Variants in TTC27 observed in about 807,000 individuals in gnomAD.
The protein encoded by TTC27 is tetratricopeptide repeat domain 27.
Under a neutral mutation model 115.9 loss-of-function variants are expected in TTC27, and 79 were observed. The observed-to-expected ratio is 0.68, with a 90% CI of 0.57 to 0.82. The LOEUF (loss-of-function observed/expected upper bound fraction) is 0.82, where lower values mean the gene tolerates loss of function less well. Among genes scored for constraint, TTC27 ranks in the 40% least tolerant of loss-of-function variants. The pLI is 0.00. For missense variants in TTC27, 1,054 were observed against 993.1 expected, an observed-to-expected ratio of 1.06 and a Z score of -0.82; for synonymous variants, 401 against 356.0, an observed-to-expected ratio of 1.13 and a Z score of -1.42.
chr2:32,804,871 T>C (rs1207372613), intron 16 of TTC27, among the ~76,000 whole-genome samples: 1 of 152,138 alleles, frequency 6.6e-6, no homozygotes, highest in Non-Finnish European at 1.5e-5. Context: ...TTTTTAAATT[T>C]TGTATTAGCT....
At chr2:32,758,542 G>T (rs1424176223) in intron 13 of TTC27, 23 bp downstream of exon 13, 1 of 1,600,864 alleles carries the variant, frequency 6.2e-7, no homozygotes, top group African/African-American at 1.3e-5. Flanking sequence ...ATAACCCCCT[G>T]CTGCTCTCAG....
chr2:32,820,328 G>A lies in TTC27; in HGVS notation c.2410-488G>A, dbSNP rs1016271773. On this transcript the variant is annotated intron_variant, in intron 19 of 19. Coordinates refer to ENST00000317907, the MANE Select transcript of TTC27 (RefSeq NM_017735.5). The stretch of plus-strand genomic sequence containing the variant: ...CTCCCAAGGCAATTCCTTTTTCAGG[G>A]AGAGGACACAGTTATTTTTATTTTG... Among the ~76,000 whole-genome samples the A allele has an allele frequency of 7.2e-5, 11 of 152,310 alleles. No individual in the cohort carries two copies. The East Asian group carries it at 1.7e-3, about 24-fold the overall frequency.
At chr2:32,810,394 T>C (rs1317899637) in intron 16 of TTC27, among the ~76,000 whole-genome samples, 1 of 152,138 alleles carries the variant, frequency 6.6e-6, no homozygotes, top group Non-Finnish European at 1.5e-5. Flanking sequence ...GTTGAAAACA[T>C]TGGGAAGGTT....
At chr2:32,700,756 T>A (rs1465855311) in intron 9 of TTC27, among the ~76,000 whole-genome samples, 8 of 152,146 alleles carry the variant, frequency 5.3e-5, no homozygotes, top group Admixed American at 5.2e-4. Context: ...GCCAGGTTGG[T>A]CTCGAACTCC....
chr2:32,748,967 C>T (rs956332194), intron 12 of TTC27, among the ~76,000 whole-genome samples: 2 of 152,082 alleles, frequency 1.3e-5, no homozygotes, highest in Admixed American at 6.5e-5. Context: ...GGATTACAGG[C>T]GTGAGCCACC....
At chr2:32,808,107 G>T (rs1412811526) in intron 16 of TTC27, among the ~76,000 whole-genome samples, 1 of 151,702 alleles carries the variant, frequency 6.6e-6, no homozygotes, top group African/African-American at 2.4e-5. Context: ...TAATTTTTTT[G>T]TATTTTTAGT....
At chr2:32,664,264 C>G (rs767177120) in intron 5 of TTC27, 39 bp from the exon 6 acceptor site, 14 of 1,536,538 alleles carry the variant, frequency 9.1e-6, no homozygotes, top group Non-Finnish European at 1.1e-5. Context: ...TATTTTTCTT[C>G]TCATCATAAC....
In TTC27 at chr2:32,809,037, G is replaced by T. The variant is rs1197909629; in HGVS notation, c.1999-1987G>T. 2.0e-5 allele frequency among the ~76,000 whole-genome samples: 3 copies of T among 152,200 alleles called. No homozygotes were observed. In the East Asian group the frequency reaches 5.8e-4, roughly 29 times the overall value. ...GGATTGTAATGTGAATTTACAGACA[G>T]AGATGATGTACCTTGTCAAAACAAG... is the stretch of plus-strand genomic sequence containing the variant. On this transcript the variant is annotated intron_variant, in intron 16 of 19. Coordinates refer to ENST00000317907, the MANE Select transcript of TTC27 (RefSeq NM_017735.5).
chr2:32,773,012 G>T (rs560558840), intron 13 of TTC27, among the ~76,000 whole-genome samples: 3 of 152,286 alleles, frequency 2.0e-5, no homozygotes, highest in African/African-American at 7.2e-5. Context: ...TCACACTCTA[G>T]GGGACTTTGT....
chr2:32,722,445 A>C (rs1667962464), intron 10 of TTC27, among the ~76,000 whole-genome samples: 1 of 152,198 alleles, frequency 6.6e-6, no homozygotes, highest in Non-Finnish European at 1.5e-5. Context: ...TTGTTACTTT[A>C]CTGAACACTC....
intron 16 of TTC27, among the ~76,000 whole-genome samples, chr2:32,789,889 C>T (rs866352858): frequency 7.4e-6 from 1 of 135,782 alleles, no homozygotes; most frequent in African/African-American, 2.8e-5. Context: ...CCACTGTACC[C>T]CAGCCTGGAT....
chr2:32,741,993 A>G (rs1276341508), intron 12 of TTC27, among the ~76,000 whole-genome samples: 1 of 152,226 alleles, frequency 6.6e-6, no homozygotes, highest in Non-Finnish European at 1.5e-5. Flanking sequence ...TGCTAAGGAA[A>G]CTGTGAGCAT....
intron 10 of TTC27, among the ~76,000 whole-genome samples, chr2:32,723,971 C>CT (rs36120062): frequency 0.16 from 14,819 of 92,448 alleles, 2,284 homozygotes; most frequent in Middle Eastern, 0.32. Flanking sequence ...CATACATAAG[C>CT]TTTTTTTTTT....
At chr2:32,646,809 T>C (rs1664881313) in intron 4 of TTC27, among the ~76,000 whole-genome samples, 1 of 151,884 alleles carries the variant, frequency 6.6e-6, no homozygotes, top group Non-Finnish European at 1.5e-5. Flanking sequence ...GTGATCCGCC[T>C]GCCTCAGCCT....
chr2:32,717,679 A>C (rs536539086), intron 10 of TTC27, among the ~76,000 whole-genome samples: 24 of 152,270 alleles, frequency 1.6e-4, no homozygotes, highest in African/African-American at 5.5e-4. Flanking sequence ...CTAGTTGCAA[A>C]ATCATTTTTC....
At chr2:32,788,749 C>T (rs1670430788) in intron 16 of TTC27, among the ~76,000 whole-genome samples, 1 of 152,110 alleles carries the variant, frequency 6.6e-6, no homozygotes, top group Non-Finnish European at 1.5e-5. Flanking sequence ...TGCTTGGCAC[C>T]AATAGAAGTT....
rs932027363 is a variant in TTC27, at chr2:32,633,937, A to G, written c.328A>G (p.Thr110Ala). Reference sequence around the variant, plus strand: ...GCAACTTTTTGTTCAGAGCAACTGGACGGGGCCCCCTGTTGACTTACACCC... The same window carrying G: ...GCAACTTTTTGTTCAGAGCAACTGGGCGGGGCCCCCTGTTGACTTACACCC... ...SLQLFVQSNWTGPPVDLHPQD... is the reference protein window; with the variant it reads ...SLQLFVQSNWAGPPVDLHPQD... The change falls in exon 3 of 20, where the codon ACG (threonine) becomes GCG (alanine). Residue 110 changes from threonine to alanine, a missense_variant. Physicochemically the swap from Thr to Ala is moderately conservative, Grantham distance 58 (BLOSUM62 0). Transcript: ENST00000317907. 1 of 1,614,010 alleles carries G rather than the reference A, an allele frequency of 6.2e-7. No individual in the cohort carries two copies.
intron 18 of TTC27, 123 bp downstream of exon 18, chr2:32,812,738 A>C: frequency 1.4e-6 from 1 of 693,248 alleles, no homozygotes; most frequent in South Asian, 1.9e-5. Context: ...TTATATTGAC[A>C]TTGTTGTATT....
In TTC27 at chr2:32,723,723, C is replaced by CGT. The variant is rs1403965465; in HGVS notation, c.1234-10105_1234-10104insGT. On this transcript the variant is annotated intron_variant, in intron 10 of 19. Coordinates refer to ENST00000317907, the MANE Select transcript of TTC27 (RefSeq NM_017735.5). The stretch of plus-strand genomic sequence containing the variant: ...CCCTCCCTCCCTCCCTCCCTCCCTC[C>CGT]CTCCCTCCTTCCTTCCTTCCTTCCT... Among the ~76,000 whole-genome samples, 412 of 99,740 alleles carry CGT rather than the reference C, an allele frequency of 4.1e-3. 19 individuals carry two copies. The highest frequency in any genetic ancestry group is 7.0e-3 in the Non-Finnish European group (349 of 49,594). 65.4% of individuals were successfully genotyped at this position (99,740 alleles called of 152,430 possible). A position where few individuals can be genotyped will look rare whatever the true frequency, so the allele number is the denominator to read the frequency against.
Sources: allele counts gnomAD v4.1 joint callset (sites outside exome capture counted in the v4.1 genomes callset), GRCh38; gene constraint gnomAD v4.1.1; transcripts MANE v1.5; gene names NCBI Gene and HGNC (gene_info 2026-07-23, HGNC 2026-07-21).